The following PCDHGA5 variants were observed in gnomAD, a reference collection of about 807,000 sequenced individuals.
PCDHGA5 encodes the protein protocadherin gamma-A5.
In PCDHGA5, 36 loss-of-function variants were observed where a neutral mutation model predicts 56.7. That is an observed-to-expected ratio of 0.64 (90% CI 0.49 to 0.84). The LOEUF (loss-of-function observed/expected upper bound fraction) is 0.84. PCDHGA5 is among the 40% of genes least tolerant of loss of function. The pLI is 0.00. For synonymous variants in PCDHGA5, 563 were observed against 520.2 expected (o/e 1.08, Z -1.12); for missense variants, 1,305 against 1,201.5 (o/e 1.09, Z -1.27).
intron 1 of PCDHGA5, chr5:141,374,155 G>A (rs1165591733): frequency 6.2e-7 from 1 of 1,612,144 alleles, no homozygotes; most frequent in Admixed American, 1.7e-5. Flanking sequence ...GGACGCTGTG[G>A]GGGGCCGCGG....
intron 1 of PCDHGA5, among the ~76,000 whole-genome samples, chr5:141,407,487 C>T (rs928735518): frequency 7.0e-6 from 1 of 142,894 alleles, no homozygotes; most frequent in African/African-American, 2.6e-5. Context: ...TATGGAAAAT[C>T]TTTATTTCTG....
chr5:141,457,422 T>C (rs2098920028), intron 1 of PCDHGA5, among the ~76,000 whole-genome samples: 1 of 151,626 alleles, frequency 6.6e-6, no homozygotes. Flanking sequence ...CATCCCTTTT[T>C]CCCCCCCACC....
At position 141,500,878 on chromosome 5, in the gene PCDHGA5, T is replaced by A. The variant is rs545375199; in HGVS notation, c.2481-4515T>A. On this transcript the variant is annotated intron_variant, in intron 2 of 3. Transcript: ENST00000518069. The stretch of plus-strand genomic sequence containing the variant: ...AGAAAACATACACATTCATTTACAA[T>A]TTTTTTTTTTTGAGACAGTCTCGCT... Among the ~76,000 whole-genome samples, 20 of 92,410 alleles carry A rather than the reference T, an allele frequency of 2.2e-4. 1 individual carries two copies. The East Asian group carries it at 4.8e-3, about 22-fold the overall frequency. The allele number at this position is 92,410 out of a possible 152,430, so 60.6% of individuals were successfully genotyped here.
At chr5:141,401,861 G>A (rs934405271) in intron 1 of PCDHGA5, among the ~76,000 whole-genome samples, 3 of 152,122 alleles carry the variant, frequency 2.0e-5, no homozygotes, top group African/African-American at 7.2e-5. Context: ...TAACCTTTCA[G>A]TAGTTTTCTT....
chr5:141,385,635 C>G (rs148433768), intron 1 of PCDHGA5: 13 of 870,194 alleles, frequency 1.5e-5, no homozygotes, highest in African/African-American at 1.8e-5. Context: ...TGAATCGAGT[C>G]TTTCATATTG....
intron 1 of PCDHGA5, among the ~76,000 whole-genome samples, chr5:141,453,779 C>T (rs138335951): frequency 0.013 from 2,000 of 152,278 alleles, 24 homozygotes; most frequent in Non-Finnish European, 0.021. Flanking sequence ...ATTTTAGTTA[C>T]CATGGTATAT....
In PCDHGA5 at chr5:141,408,733, T is replaced by C. The variant is rs753545231; in HGVS notation, c.2421+41982T>C. The C allele has an allele frequency of 7.5e-6, 12 of 1,610,158 alleles. No individual in the cohort carries two copies. The South Asian group carries it at 1.3e-4, about 18-fold the overall frequency. Reference sequence around the variant, plus strand: ...ATTATAAGATAAACTCTAATCCTTATTTTTCATTAATGGTTAGAGTTAATT... The same window carrying C: ...ATTATAAGATAAACTCTAATCCTTACTTTTCATTAATGGTTAGAGTTAATT... On this transcript the variant is annotated intron_variant, in intron 1 of 3. Transcript: ENST00000518069.
At chr5:141,389,785 ACGCCGTC>A (rs1561627912) in intron 1 of PCDHGA5, 1 of 1,613,332 alleles carries the variant, frequency 6.2e-7, no homozygotes. Context: ...GGCGACAGGG[ACGCCGTC>A]CGCCAGCGCC....
chr5:141,372,772 A>C (rs1359362991), intron 1 of PCDHGA5: 2 of 1,611,080 alleles, frequency 1.2e-6, no homozygotes, highest in Non-Finnish European at 1.7e-6. Flanking sequence ...AGTAATGACA[A>C]TCCAGAAATG....
chr5:141,403,713 A>C (rs2094445702), intron 1 of PCDHGA5: 3 of 1,613,946 alleles, frequency 1.9e-6, no homozygotes, highest in Non-Finnish European at 2.5e-6. Flanking sequence ...GTCCTTGAGA[A>C]CGTGCCCCCA....
chr5:141,386,911 G>A (rs1312159511), intron 1 of PCDHGA5, among the ~76,000 whole-genome samples: 2 of 152,190 alleles, frequency 1.3e-5, no homozygotes, highest in South Asian at 2.1e-4. Flanking sequence ...AGGTCACCAA[G>A]GAATGTAAAA....
intron 2 of PCDHGA5, among the ~76,000 whole-genome samples, chr5:141,496,748 C>T (rs1382244657): frequency 6.6e-6 from 1 of 152,130 alleles, no homozygotes; most frequent in African/African-American, 2.4e-5. Flanking sequence ...ATTTATTCAA[C>T]AAATATTTAT....
At chr5:141,384,391 G>C (rs759810331) in intron 1 of PCDHGA5, 24 of 1,613,920 alleles carry the variant, frequency 1.5e-5, no homozygotes, top group Non-Finnish European at 2.0e-5. Flanking sequence ...CACCATCCAG[G>C]GGGCTCCAGT....
chr5:141,432,800 C>T lies in PCDHGA5; in HGVS notation c.2422-62007C>T. The T allele has an allele frequency of 6.2e-7, 1 of 1,614,156 alleles. No individual in the cohort carries two copies. The highest frequency in any genetic ancestry group is 8.5e-7 in the Non-Finnish European group (1 of 1,180,008). ...GGCGGACCTCGGCAGCCTCGAGTCT[C>T]CAGCTAACTCTGAAACCTCAGACCT... On this transcript the variant is annotated intron_variant, in intron 1 of 3. Transcript: ENST00000518069. This position sits in a 1 kb window ranked among gnomAD's most constrained non-coding sequence, Gnocchi z 6.0.
At chr5:141,370,950 C>A in intron 1 of PCDHGA5, 1 of 1,614,002 alleles carries the variant, frequency 6.2e-7, no homozygotes, top group South Asian at 1.1e-5. Context: ...GAAGGAGAAC[C>A]TGGATGGCAG....
Position 141,366,172 on chromosome 5 carries a change from A to G in PCDHGA5, c.1842A>G (p.Pro614=), listed in dbSNP as rs559505576. The G allele has an allele frequency of 9.3e-6, 15 of 1,614,076 alleles. No individual in the cohort carries two copies. Among genetic ancestry groups the G allele is most frequent in the African/African-American group, 8.0e-5 (6 of 75,074 alleles). ...LSYRLLKASE[P]GLFAVGLHTG... ...ACCGCCTGCTTAAGGCCAGCGAGCC[A>G]GGACTCTTTGCGGTTGGGCTGCACA... Residue 614 remains proline (P), a synonymous_variant, in exon 1 of 4, where the codon CCA becomes CCG. Transcript: ENST00000518069.
chr5:141,430,383 G>GAA (rs139772145), intron 1 of PCDHGA5, among the ~76,000 whole-genome samples: 39 of 138,602 alleles, frequency 2.8e-4, no homozygotes, highest in African/African-American at 7.9e-4. Context: ...AGCTCATTGG[G>GAA]AAAAAAAAAA....
intron 1 of PCDHGA5, chr5:141,422,413 GAA>G (rs753790858): frequency 6.2e-7 from 1 of 1,604,644 alleles, no homozygotes; most frequent in South Asian, 1.1e-5. Flanking sequence ...TTTTAAATTA[GAA>G]AAGACTTATG....
chr5:141,466,494 G>C (rs1186331329), intron 1 of PCDHGA5, among the ~76,000 whole-genome samples: 4 of 152,134 alleles, frequency 2.6e-5, no homozygotes. Context: ...TCTTTAATTA[G>C]AGCACAGACA....
Sources: allele counts gnomAD v4.1 joint callset (sites outside exome capture counted in the v4.1 genomes callset), GRCh38; gene constraint gnomAD v4.1.1; non-coding constraint Gnocchi (gnomAD v3.1); transcripts MANE v1.5; gene names NCBI Gene and HGNC (gene_info 2026-07-23, HGNC 2026-07-21).